Variants in STARD13 observed in about 807,000 individuals in gnomAD.
STARD13 encodes the protein stAR-related lipid transfer protein 13.
In STARD13, 62 loss-of-function variants were observed where a neutral mutation model predicts 106.4. The ratio of observed to expected loss-of-function variants is 0.58; its 90% CI spans 0.48 to 0.72. The LOEUF (loss-of-function observed/expected upper bound fraction) is 0.72, where lower values mean the gene tolerates loss of function less well. Among genes scored for constraint, STARD13 ranks in the 30% least tolerant of loss-of-function variants. The pLI, the probability that STARD13 is intolerant of heterozygous loss-of-function variation, is 0.00. For missense variants in STARD13, 1,387 were observed against 1,424.0 expected (o/e 0.97, Z 0.42); for synonymous variants, 565 against 553.0 (o/e 1.02, Z -0.31).
chr13:33,385,701 A>G, the STARD13 span, among the ~76,000 whole-genome samples: 1 of 151,584 alleles, frequency 6.6e-6, no homozygotes, highest in East Asian at 1.9e-4. Flanking sequence ...CTCTACTAAA[A>G]CTACAAAAAT....
At chr13:33,256,267 T>C (rs1286229438) in intron 1 of STARD13, among the ~76,000 whole-genome samples, 1 of 152,204 alleles carries the variant, frequency 6.6e-6, no homozygotes, top group African/African-American at 2.4e-5. Flanking sequence ...GTGCATTTCA[T>C]TACCTGCACC....
chr13:33,287,163 T>C (rs1244286838), upstream of STARD13, among the ~76,000 whole-genome samples: 2 of 152,220 alleles, frequency 1.3e-5, no homozygotes, highest in Non-Finnish European at 2.9e-5. Context: ...ATTTCTACAT[T>C]ATTTCCAAAT....
chr13:33,488,191 T>G, the STARD13 span, among the ~76,000 whole-genome samples: 1 of 152,118 alleles, frequency 6.6e-6, no homozygotes, highest in South Asian at 2.1e-4. Flanking sequence ...CTAACTACAG[T>G]TATCTTGATT....
At chr13:33,422,586 A>G in the STARD13 span, among the ~76,000 whole-genome samples, 1 of 152,212 alleles carries the variant, frequency 6.6e-6, no homozygotes, top group Non-Finnish European at 1.5e-5. Flanking sequence ...AGAACTGGAA[A>G]AAAATTACTT....
intron 1 of STARD13, among the ~76,000 whole-genome samples, chr13:33,233,967 T>C (rs898425788): frequency 6.6e-6 from 1 of 152,164 alleles, no homozygotes; most frequent in East Asian, 1.9e-4. Flanking sequence ...GTGCCCCTTC[T>C]ATGAGTCTGT....
the STARD13 span, among the ~76,000 whole-genome samples, chr13:33,494,298 A>G: frequency 6.6e-6 from 1 of 152,154 alleles, no homozygotes; most frequent in Non-Finnish European, 1.5e-5. Flanking sequence ...TGCCATTAAT[A>G]AGCACACTAC....
the STARD13 span, among the ~76,000 whole-genome samples, chr13:33,530,348 T>C: frequency 6.6e-6 from 1 of 152,150 alleles, no homozygotes; most frequent in African/African-American, 2.4e-5. Flanking sequence ...TAAGTAACCA[T>C]TATTCTGGCT....
chr13:33,398,297 T>C, the STARD13 span, among the ~76,000 whole-genome samples: 2 of 152,192 alleles, frequency 1.3e-5, no homozygotes, highest in Non-Finnish European at 2.9e-5. Context: ...GAAAAATCAT[T>C]CTTGACACTA....
the STARD13 span, among the ~76,000 whole-genome samples, chr13:33,404,757 A>G: frequency 1.3e-5 from 2 of 151,324 alleles, no homozygotes; most frequent in Admixed American, 1.3e-4. Context: ...GGAGGATGTC[A>G]GAATCACCTC....
At chr13:33,317,847 G>A (rs950100435) in intron 1 of STARD13, among the ~76,000 whole-genome samples, 50 of 152,246 alleles carry the variant, frequency 3.3e-4, no homozygotes, top group African/African-American at 1.2e-3. Flanking sequence ...AGAATGAATG[G>A]ATGGACGGAT....
At chr13:33,181,392 T>C (rs1382925755) in intron 1 of STARD13, among the ~76,000 whole-genome samples, 2 of 152,212 alleles carry the variant, frequency 1.3e-5, no homozygotes, top group Non-Finnish European at 2.9e-5. Flanking sequence ...AATTTTGACA[T>C]TGCAGGTACA....
intron 1 of STARD13, among the ~76,000 whole-genome samples, chr13:33,202,459 A>G (rs922700133): frequency 2.6e-5 from 4 of 152,240 alleles, no homozygotes; most frequent in Non-Finnish European, 4.4e-5. Context: ...TCACTTGACA[A>G]ACATTACTTG....
the STARD13 span, among the ~76,000 whole-genome samples, chr13:33,608,817 T>C: frequency 1.3e-5 from 2 of 152,324 alleles, 1 homozygote; most frequent in South Asian, 4.1e-4. Flanking sequence ...CTGGGCCCGA[T>C]GGCTCACGCC....
At chr13:33,436,462 G>A in the STARD13 span, among the ~76,000 whole-genome samples, 16 of 151,968 alleles carry the variant, frequency 1.1e-4, no homozygotes, top group African/African-American at 3.9e-4. Flanking sequence ...ATCACTACTT[G>A]GGTTAATTTT....
At chr13:33,160,661 A>T (rs1019193891) in intron 3 of STARD13, among the ~76,000 whole-genome samples, 1 of 152,222 alleles carries the variant, frequency 6.6e-6, no homozygotes, top group African/African-American at 2.4e-5. Context: ...AGACGTATGG[A>T]TGGTAAATAA....
At chr13:33,671,956 TG>T in the STARD13 span, among the ~76,000 whole-genome samples, 1 of 151,956 alleles carries the variant, frequency 6.6e-6, no homozygotes, top group Non-Finnish European at 1.5e-5. Flanking sequence ...GAAGACAGTG[TG>T]GCAATTCTTC....
At chr13:33,596,396 A>T in the STARD13 span, among the ~76,000 whole-genome samples, 1 of 152,188 alleles carries the variant, frequency 6.6e-6, no homozygotes, top group Non-Finnish European at 1.5e-5. Flanking sequence ...TGTCATCAAT[A>T]CACACACATG....
the STARD13 span, among the ~76,000 whole-genome samples, chr13:33,357,544 G>T: frequency 6.6e-5 from 10 of 152,294 alleles, no homozygotes; most frequent in South Asian, 1.9e-3. Flanking sequence ...AGCACATGAG[G>T]TCAGCAGCTA....
the STARD13 span, among the ~76,000 whole-genome samples, chr13:33,604,796 CT>C: frequency 6.9e-6 from 1 of 145,382 alleles, no homozygotes; most frequent in African/African-American, 2.6e-5. Flanking sequence ...AAGACTTTGT[CT>C]TTAAAAAAAA....
Sources: gnomAD v4.1 joint callset for allele counts (sites outside exome capture counted in the v4.1 genomes callset) on GRCh38, gnomAD v4.1.1 for gene constraint, MANE v1.5 for transcripts, NCBI Gene and HGNC (gene_info 2026-07-23, HGNC 2026-07-21) for gene names.